The following NID2 variants were observed in gnomAD, a reference collection of about 807,000 sequenced individuals.
NID2 encodes nidogen 2, also known as nidogen-2.
NID2 carries 83 observed loss-of-function variants against 145.4 expected under a neutral mutation model. The observed-to-expected ratio is 0.57, with a 90% CI of 0.48 to 0.69. NID2 has a LOEUF of 0.69. NID2 is among the 30% of genes least tolerant of loss of function. The pLI is 0.00. For missense variants in NID2, 1,807 were observed against 1,765.7 expected, an observed-to-expected ratio of 1.02 and a Z score of -0.42; for synonymous variants, 739 against 701.3, an observed-to-expected ratio of 1.05 and a Z score of -0.85.
chr14:52,019,083 CG>C lies in NID2; in HGVS notation c.3005del (p.Pro1002ArgfsTer100). 6.2e-7 allele frequency: 1 copy of C among 1,613,916 alleles called. No individual in the cohort carries two copies. Among genetic ancestry groups the C allele is most frequent in the South Asian group, 1.1e-5 (1 of 91,058 alleles). On this transcript the variant is annotated frameshift_variant, in exon 14 of 22. Coordinates refer to ENST00000216286, the MANE Select transcript of NID2 (RefSeq NM_007361.4). LOFTEE classifies it high-confidence loss of function. Reference sequence around the variant, plus strand: ...CACCTGGTGATGGTCCACAGTGAGGCGGGGTGGAGCCAGGTGGAGTCTGGGT... The same window carrying C: ...CACCTGGTGATGGTCCACAGTGAGGCGGGTGGAGCCAGGTGGAGTCTGGGT... ...PGTQTPPGST[P>X]PHCGPSPEPT...
intron 3 of NID2, 66 bp downstream of exon 3, chr14:52,060,058 T>C (rs1256992523): frequency 8.7e-7 from 1 of 1,151,952 alleles, no homozygotes; most frequent in Non-Finnish European, 1.3e-6. Context: ...TGGTCACTTG[T>C]GTTCAGGTAC....
rs1471418438 is a variant in NID2, at chr14:52,014,106, T to A, written c.3420+181A>T. 10 of 728,296 alleles carry A rather than the reference T, an allele frequency of 1.4e-5. No homozygotes were observed. In the Admixed American group the frequency reaches 1.9e-4, roughly 14 times the overall value. The allele number at this position is 728,296 out of a possible 1,614,324, so 45.1% of individuals were successfully genotyped here. ...ACAGCCTTGGTCAGTGACAGGTGACTCCCAGCAAGAGAGAGCCCTGGTCCT... is the reference window on the plus strand; with the variant it reads ...ACAGCCTTGGTCAGTGACAGGTGACACCCAGCAAGAGAGAGCCCTGGTCCT... On this transcript the variant is annotated intron_variant, in intron 16 of 21. Transcript: ENST00000216286.
intron 12 of NID2, among the ~76,000 whole-genome samples, chr14:52,026,755 T>G (rs2140371654): frequency 6.6e-6 from 1 of 152,368 alleles, no homozygotes; most frequent in South Asian, 2.1e-4. Flanking sequence ...TGTGTCTTTT[T>G]ATATATGTGG....
At position 52,069,012 on chromosome 14, in the gene NID2, C is replaced by T. The variant is rs764221091; in HGVS notation, c.-18G>A. On this transcript the variant is annotated 5_prime_UTR_variant, in exon 1 of 22. Transcript: ENST00000216286. ...CCCTCCATGCTCGCTCGGCCGTGCGCTTACCCGCTGCACAACGCGTCCCGC... is the reference window on the plus strand; with the variant it reads ...CCCTCCATGCTCGCTCGGCCGTGCGTTTACCCGCTGCACAACGCGTCCCGC... The T allele has an allele frequency of 2.5e-6, 4 of 1,584,254 alleles. No individual in the cohort carries two copies. The African/African-American group carries it at 5.4e-5, about 21-fold the overall frequency.
chr14:52,041,249 T>C (rs921380177), intron 7 of NID2, among the ~76,000 whole-genome samples: 2 of 152,220 alleles, frequency 1.3e-5, no homozygotes, highest in African/African-American at 4.8e-5. Context: ...GATAAGTATG[T>C]CTCATGAAAT....
At chr14:52,067,094 A>C (rs1381930095) in intron 2 of NID2, among the ~76,000 whole-genome samples, 1 of 152,220 alleles carries the variant, frequency 6.6e-6, no homozygotes, top group Non-Finnish European at 1.5e-5. Flanking sequence ...CACTTCCTGG[A>C]ATGTCAACTA....
In NID2 at chr14:52,068,099, T is replaced by C; in HGVS notation, c.293A>G (p.Asp98Gly). ...GATGGCCGGGAAGTCGGTGGGGAAA[T>C]CATAGTCCACATACTGCGTTTCCCT... The part of the protein sequence containing the change: ...FPRETQYVDY[D>G]FPTDFPAIAP... The change falls in exon 2 of 22, where the codon GAT (aspartate) becomes GGT (glycine). Residue 98 changes from aspartate (D) to glycine (G), a missense_variant. Physicochemically the swap from Asp to Gly is moderately conservative, Grantham distance 94 (BLOSUM62 -1). Transcript: ENST00000216286. 4 of 1,613,334 alleles carry C rather than the reference T, an allele frequency of 2.5e-6. No individual in the cohort carries two copies. The highest frequency in any genetic ancestry group is 3.4e-6 in the Non-Finnish European group (4 of 1,179,892).
intron 2 of NID2, among the ~76,000 whole-genome samples, chr14:52,065,258 A>G (rs1161156016): frequency 1.3e-5 from 2 of 152,204 alleles, no homozygotes; most frequent in African/African-American, 4.8e-5. Context: ...ACTTTGCAAT[A>G]TAAAGTTAGT....
At chr14:52,007,612 T>C (rs1309427688) in intron 19 of NID2, 198 bp downstream of exon 19, 3 of 580,450 alleles carry the variant, frequency 5.2e-6, no homozygotes, top group Admixed American at 6.5e-5. Context: ...CTGCTTGATA[T>C]ATCCTTCCCT....
chr14:52,019,007 G>C (rs1042826974), intron 14 of NID2, 54 bp downstream of exon 14: 17 of 1,407,932 alleles, frequency 1.2e-5, no homozygotes, highest in Non-Finnish European at 1.6e-5. Flanking sequence ...CAGGAATTAT[G>C]ATCTACCTAC....
At chr14:52,041,923 A>G (rs1363355606) in intron 7 of NID2, among the ~76,000 whole-genome samples, 182 bp downstream of exon 7, 1 of 152,238 alleles carries the variant, frequency 6.6e-6, no homozygotes, top group East Asian at 1.9e-4. Context: ...GCCTTTCAAA[A>G]ATCAGTGATG....
chr14:52,068,706 C>T lies in NID2; in HGVS notation c.228+61G>A, dbSNP rs1002165486. The T allele has an allele frequency of 7.5e-6, 11 of 1,459,534 alleles. No individual in the cohort carries two copies. In the African/African-American group the frequency reaches 1.5e-4, roughly 20 times the overall value. 90.4% of individuals were successfully genotyped at this position (1,459,534 alleles called of 1,614,324 possible). A position where few individuals can be genotyped will look rare whatever the true frequency, so the allele number is the denominator to read the frequency against. On this transcript the variant is annotated intron_variant, in intron 1 of 21. Coordinates refer to ENST00000216286, the MANE Select transcript of NID2 (RefSeq NM_007361.4). ...TTCCTCCCCTCTGGAGGCAGGGTTT[C>T]CGTGAGACCGACCCCAGGGAAGAAG...
At chr14:52,014,104 A>G (rs755182605) in intron 16 of NID2, 183 bp downstream of exon 16, 13 of 712,772 alleles carry the variant, frequency 1.8e-5, no homozygotes, top group African/African-American at 3.5e-5. Flanking sequence ...GTGACAGGTG[A>G]CTCCCAGCAA....
At chr14:52,021,767 G>A (rs1372253367) in intron 12 of NID2, among the ~76,000 whole-genome samples, 2 of 152,162 alleles carry the variant, frequency 1.3e-5, no homozygotes, top group Non-Finnish European at 2.9e-5. Context: ...TCATCTGCAA[G>A]GGTAGAAACA....
chr14:52,010,289 G>A (rs1686535263), intron 18 of NID2: 1 of 152,234 alleles, frequency 6.6e-6, no homozygotes, highest in Non-Finnish European at 1.5e-5. Flanking sequence ...CATGGCAAGA[G>A]TTTCTCAAGA....
At chr14:52,051,800 C>T (rs966737955) in intron 5 of NID2, among the ~76,000 whole-genome samples, 7 of 152,182 alleles carry the variant, frequency 4.6e-5, no homozygotes, top group Admixed American at 3.9e-4. Context: ...TTTTCACAGG[C>T]GTTTTTTGCC....
At chr14:52,030,481 AAAAGAAAGAAAGAAAGAAAGAGAAAG>A (rs150724536) in intron 9 of NID2, among the ~76,000 whole-genome samples, 1,974 of 115,074 alleles carry the variant, frequency 0.017, 132 homozygotes, top group African/African-American at 0.028. Flanking sequence ...CGAGAGAAAG[AAAAGAAAGAAAGAAAGAAAGAGAAAG>A]AAAGAAAGAA....
At chr14:52,039,509 A>G (rs1375003578) in intron 8 of NID2, among the ~76,000 whole-genome samples, 1 of 152,186 alleles carries the variant, frequency 6.6e-6, no homozygotes, top group African/African-American at 2.4e-5. Context: ...GTTGTCTCTC[A>G]CCATCTGAGT....
chr14:52,044,991 T>C (rs34900091), intron 5 of NID2, among the ~76,000 whole-genome samples: 42,674 of 151,908 alleles, frequency 0.28, 6,391 homozygotes, highest in East Asian at 0.51. Flanking sequence ...TGAAGTCGCA[T>C]AGGCAGTGAG....
Sources: allele counts gnomAD v4.1 joint callset (sites outside exome capture counted in the v4.1 genomes callset), GRCh38; gene constraint gnomAD v4.1.1; transcripts MANE v1.5; gene names NCBI Gene and HGNC (gene_info 2026-07-23, HGNC 2026-07-21).